The following CSMD2 variants were observed in gnomAD, a reference collection of about 807,000 sequenced individuals.
CSMD2 encodes the protein CUB and Sushi multiple domains 2.
Under a neutral mutation model 398.5 loss-of-function variants are expected in CSMD2, and 130 were observed. The ratio of observed to expected loss-of-function variants is 0.33; its 90% CI spans 0.28 to 0.38. The LOEUF is 0.38. Among genes scored for constraint, CSMD2 ranks in the 10% least tolerant of loss-of-function variants. The pLI is 1.00. For missense variants in CSMD2, 3,829 were observed against 4,764.9 expected, an observed-to-expected ratio of 0.80 and a Z score of 5.78; for synonymous variants, 1,828 against 1,908.5, an observed-to-expected ratio of 0.96 and a Z score of 1.10.
intron 2 of CSMD2, among the ~76,000 whole-genome samples, chr1:34,087,211 A>G (rs1425995334): frequency 1.3e-5 from 2 of 151,960 alleles, no homozygotes; most frequent in African/African-American, 2.4e-5. Flanking sequence ...ATATTCCATG[A>G]TTCAGCTCTC....
chr1:33,559,495 G>C lies in CSMD2; in HGVS notation c.8381-22C>G. 2.6e-6 allele frequency: 4 copies of C among 1,535,116 alleles called. No homozygotes were observed. Among genetic ancestry groups the C allele is most frequent in the Non-Finnish European group, 3.5e-6 (4 of 1,146,088 alleles). ...ATTGCTGTAACCAAAACAGAAGATA[G>C]GTAAGCCCTCCTACTATTCCACACC... is the stretch of plus-strand genomic sequence containing the variant. On this transcript the variant is annotated intron_variant, in intron 53 of 70. Transcript: ENST00000373381. The surrounding 1 kb of genome is among the most constrained non-coding windows in gnomAD (Gnocchi z 4.0).
chr1:33,548,269 A>G (rs1377170979), intron 56 of CSMD2, among the ~76,000 whole-genome samples: 1 of 152,232 alleles, frequency 6.6e-6, no homozygotes, highest in Non-Finnish European at 1.5e-5. Context: ...TTTTTCTGAA[A>G]GAATGGCCCC....
At chr1:33,842,746 C>T (rs914327901) in intron 6 of CSMD2, among the ~76,000 whole-genome samples, 12 of 151,970 alleles carry the variant, frequency 7.9e-5, no homozygotes, top group African/African-American at 1.2e-4. Flanking sequence ...TCATGTGTCA[C>T]GAAATATTAT....
chr1:33,649,419 A>G (rs1643637648), intron 28 of CSMD2, among the ~76,000 whole-genome samples: 1 of 152,206 alleles, frequency 6.6e-6, no homozygotes, highest in South Asian at 2.1e-4. Context: ...CAAGGTGGGC[A>G]GGTCACTTGA....
chr1:33,907,330 T>C (rs1643160230), intron 5 of CSMD2, among the ~76,000 whole-genome samples: 1 of 151,434 alleles, frequency 6.6e-6, no homozygotes, highest in African/African-American at 2.4e-5. Flanking sequence ...GGTTTCACCC[T>C]GTTAGCCAGG....
intron 12 of CSMD2, among the ~76,000 whole-genome samples, chr1:33,776,633 T>G (rs1260461784): frequency 1.3e-5 from 2 of 152,020 alleles, no homozygotes; most frequent in Non-Finnish European, 2.9e-5. Flanking sequence ...CAGCAGCCCT[T>G]GGCCACTCAG....
chr1:33,909,273 T>C (rs972571583), intron 5 of CSMD2, among the ~76,000 whole-genome samples: 1 of 152,134 alleles, frequency 6.6e-6, no homozygotes, highest in Non-Finnish European at 1.5e-5. Flanking sequence ...CCTTTACATG[T>C]GCAGCTCCCT....
intron 5 of CSMD2, among the ~76,000 whole-genome samples, chr1:33,915,978 C>T (rs1351219794): frequency 6.6e-6 from 1 of 152,090 alleles, no homozygotes; most frequent in Non-Finnish European, 1.5e-5. Context: ...TTTTCCTCTT[C>T]TGTAAAAGGA....
intron 32 of CSMD2, among the ~76,000 whole-genome samples, chr1:33,629,768 A>G (rs1292044543): frequency 1.3e-5 from 2 of 150,296 alleles, no homozygotes; most frequent in African/African-American, 2.5e-5. Context: ...TTTGAGACGG[A>G]GTCTCTCTCT....
chr1:33,584,257 C>T (rs954298978), intron 46 of CSMD2, among the ~76,000 whole-genome samples: 1 of 152,202 alleles, frequency 6.6e-6, no homozygotes, highest in South Asian at 2.1e-4. Flanking sequence ...GGATTCATAG[C>T]CCACCTCTGC....
intron 32 of CSMD2, among the ~76,000 whole-genome samples, chr1:33,632,129 C>G (rs904241838): frequency 3.3e-5 from 5 of 151,856 alleles, no homozygotes; most frequent in African/African-American, 4.8e-5. Flanking sequence ...TGGTTAGATT[C>G]CCTATATCAA....
intron 20 of CSMD2, 144 bp from the exon 21 acceptor site, chr1:33,714,919 CA>C (rs1646117389): frequency 9.3e-6 from 7 of 749,860 alleles, no homozygotes; most frequent in Non-Finnish European, 1.1e-5. Context: ...CACTGGCCCA[CA>C]AAAGGTGACA....
At chr1:33,736,300 T>G (rs866423638) in intron 15 of CSMD2, among the ~76,000 whole-genome samples, 1 of 152,060 alleles carries the variant, frequency 6.6e-6, no homozygotes, top group Non-Finnish European at 1.5e-5. Flanking sequence ...GCTAACACGG[T>G]GAAACCCTGT....
intron 12 of CSMD2, among the ~76,000 whole-genome samples, chr1:33,774,107 T>TTGTGTGTGTGTGTG (rs61454614): frequency 7.1e-6 from 1 of 141,618 alleles, no homozygotes; most frequent in African/African-American, 2.6e-5. Flanking sequence ...ATGGCTGGGA[T>TTGTGTGTGTGTGTG]TGTGTGTGTG....
At chr1:33,793,600 G>A (rs1451854590) in intron 10 of CSMD2, among the ~76,000 whole-genome samples, 1 of 152,188 alleles carries the variant, frequency 6.6e-6, no homozygotes, top group Non-Finnish European at 1.5e-5. Context: ...TTATGCCAGG[G>A]GAGGAGCAGT....
At chr1:33,973,052 C>T (rs1394822720) in intron 3 of CSMD2, among the ~76,000 whole-genome samples, 1 of 152,172 alleles carries the variant, frequency 6.6e-6, no homozygotes, top group Non-Finnish European at 1.5e-5. Flanking sequence ...CAGCCTCTGA[C>T]CCCAAGACTC....
At chr1:33,606,754 C>T (rs1222020725) in intron 41 of CSMD2, among the ~76,000 whole-genome samples, 1 of 152,130 alleles carries the variant, frequency 6.6e-6, no homozygotes, top group Non-Finnish European at 1.5e-5. Flanking sequence ...CCAGGAGCAG[C>T]CTTGATGAGA....
intron 56 of CSMD2, among the ~76,000 whole-genome samples, chr1:33,546,983 G>C (rs888444862): frequency 6.6e-6 from 1 of 152,118 alleles, no homozygotes; most frequent in African/African-American, 2.4e-5. Flanking sequence ...TTTCCAAGTA[G>C]CTGTAGGAGA....
At chr1:33,865,548 T>C (rs1639967660) in intron 5 of CSMD2, among the ~76,000 whole-genome samples, 1 of 152,152 alleles carries the variant, frequency 6.6e-6, no homozygotes, top group Non-Finnish European at 1.5e-5. Flanking sequence ...GAGGGCAGGA[T>C]CGCCTTGGCC....
Sources: allele counts gnomAD v4.1 joint callset (sites outside exome capture counted in the v4.1 genomes callset), GRCh38; gene constraint gnomAD v4.1.1; non-coding constraint Gnocchi (gnomAD v3.1); transcripts MANE v1.5; gene names NCBI Gene and HGNC (gene_info 2026-07-23, HGNC 2026-07-21).